Variants in DNAH1 observed in about 807,000 individuals in gnomAD.
The protein encoded by DNAH1 is axonemal beta dynein heavy chain 1.
Under a neutral mutation model 484.3 loss-of-function variants are expected in DNAH1, and 327 were observed. That is an observed-to-expected ratio of 0.68 (90% CI 0.62 to 0.74). DNAH1 has a LOEUF of 0.74. Ranked by LOEUF, DNAH1 falls within the 30% of genes least tolerant of loss-of-function variation. The pLI, the probability that DNAH1 is intolerant of heterozygous loss-of-function variation, is 0.00. For synonymous variants in DNAH1, 2,192 were observed against 2,191.9 expected (o/e 1.00, Z 0.00); for missense variants, 5,052 against 5,546.8 (o/e 0.91, Z 2.83).
Position 52,349,281 on chromosome 3 carries a change from C to G in DNAH1, c.2387C>G (p.Ser796Trp). ...HLREKEILDS[S>W]LPSSIIIGPF... Reference sequence around the variant, plus strand: ...CGGGAGAAGGAGATCCTGGACAGCTCGCTGCCCAGCAGCATCATCATTGGG... The same window carrying G: ...CGGGAGAAGGAGATCCTGGACAGCTGGCTGCCCAGCAGCATCATCATTGGG... The change falls in exon 14 of 78, where the codon TCG becomes TGG. Residue 796 changes from serine (S) to tryptophan (W), a missense_variant. Coordinates refer to ENST00000420323, the MANE Select transcript of DNAH1 (RefSeq NM_015512.5). 2 of 1,613,946 alleles carry G rather than the reference C, an allele frequency of 1.2e-6. No homozygotes were observed. Among genetic ancestry groups the G allele is most frequent in the Non-Finnish European group, 1.7e-6 (2 of 1,179,870 alleles).
Position 52,392,896 on chromosome 3 carries a change from G to T in DNAH1, c.10345G>T (p.Val3449Leu), listed in dbSNP as rs757371106. Residue 3449 changes from valine (V) to leucine (L), a missense_variant, in exon 65 of 78, where the codon GTG becomes TTG. Physicochemically the swap from Val to Leu is conservative, Grantham distance 32 (BLOSUM62 1). Around this residue, in one of 4 missense-constraint regions of DNAH1, gnomAD observed 2,929 missense variants for 3,409.4 expected, o/e 0.86. Coordinates refer to ENST00000420323, the MANE Select transcript of DNAH1 (RefSeq NM_015512.5). ...IDLTRMEYIP[V>L]AIRTQILFFC... ...CCTGACGCGCATGGAGTACATACCC[G>T]TGGCCATCCGCACCCAGATCCTCTT... The T allele has an allele frequency of 6.2e-7, 1 of 1,608,916 alleles. No homozygotes were observed. Among genetic ancestry groups the T allele is most frequent in the African/African-American group, 1.4e-5 (1 of 73,484 alleles).
rs532171993 is a variant in DNAH1, at chr3:52,345,036, T to C, written c.1444+389T>C. The stretch of plus-strand genomic sequence containing the variant: ...CCGGGGCCCAAGAACCCTCCTTGCT[T>C]TCAGCTCACCTGCCAGCCTTCCTAG... On this transcript the variant is annotated intron_variant, in intron 9 of 77. Transcript: ENST00000420323. Among the ~76,000 whole-genome samples the C allele has an allele frequency of 9.7e-4, 147 of 152,254 alleles. 1 individual carries two copies. Among genetic ancestry groups the C allele is most frequent in the African/African-American group, 3.4e-3 (141 of 41,552 alleles).
At chr3:52,338,222 C>T (rs1239667854) in intron 8 of DNAH1, among the ~76,000 whole-genome samples, 3 of 152,210 alleles carry the variant, frequency 2.0e-5, no homozygotes, top group Non-Finnish European at 4.4e-5. Flanking sequence ...TATTCTCCTG[C>T]CTCAGCCTCC....
At chr3:52,339,751 G>T (rs1284498237) in intron 8 of DNAH1, among the ~76,000 whole-genome samples, 1 of 151,768 alleles carries the variant, frequency 6.6e-6, no homozygotes, top group Non-Finnish European at 1.5e-5. Context: ...TGTCAGTATT[G>T]CACATTAGTT....
Position 52,381,834 on chromosome 3 carries a change from C to G in DNAH1, c.7803C>G (p.His2601Gln), listed in dbSNP as rs1257100494. The change falls in exon 49 of 78, where the codon CAC becomes CAG. Residue 2601 changes from histidine (H) to glutamine (Q), a missense_variant and splice_region_variant. His to Gln is a conservative substitution (Grantham distance 24). Around this residue, in one of 4 missense-constraint regions of DNAH1, gnomAD observed 2,929 missense variants for 3,409.4 expected, o/e 0.86. Transcript: ENST00000420323. This position sits in a 1 kb window ranked among gnomAD's most constrained non-coding sequence, Gnocchi z 4.1. ...GRSSLTRLAS[H>Q]MAEYECFQIE... ...GCTCCCTCACAAGGCTCGCCTCGCA[C>G]ATGTGAGCGCCTCCAGGGCGTGCTG... 1.3e-6 allele frequency: 2 copies of G among 1,587,660 alleles called. No homozygotes were observed. The highest frequency in any genetic ancestry group is 2.7e-5 in the African/African-American group (2 of 74,376).
Position 52,320,291 on chromosome 3 carries a change from G to C in DNAH1, c.-34-2118G>C, listed in dbSNP as rs555624221. Among the ~76,000 whole-genome samples the C allele has an allele frequency of 4.6e-5, 7 of 152,350 alleles. No homozygotes were observed. In the South Asian group the frequency reaches 1.4e-3, roughly 32 times the overall value. On this transcript the variant is annotated intron_variant, in intron 1 of 77. Transcript: ENST00000420323. ...CTGTTAGACAGGTGGGCCAGACTCG[G>C]CATTGTCTTCAGCACCTGTCCTGGG...
chr3:52,322,697 T>A lies in DNAH1; in HGVS notation c.255T>A (p.Thr85=), dbSNP rs762845141. 2 of 1,613,764 alleles carry A rather than the reference T, an allele frequency of 1.2e-6. No individual in the cohort carries two copies. The highest frequency in any genetic ancestry group is 1.7e-6 in the Non-Finnish European group (2 of 1,179,814). The change falls in exon 2 of 78, where the codon ACT becomes ACA. Residue 85 remains threonine (T), a synonymous_variant. Transcript: ENST00000420323. ...GQPRKSPLTG[T]DKKYPLMKQR... ...CACGGAAGTCACCCCTGACAGGCACTGATAAGAAGTACCCGCTGATGAAGC... is the reference window on the plus strand; with the variant it reads ...CACGGAAGTCACCCCTGACAGGCACAGATAAGAAGTACCCGCTGATGAAGC...
At position 52,352,875 on chromosome 3, in the gene DNAH1, C is replaced by T. The variant is rs187417802; in HGVS notation, c.3027+168C>T. Among the ~76,000 whole-genome samples, 3 of 152,264 alleles carry T rather than the reference C, an allele frequency of 2.0e-5. No individual in the cohort carries two copies. In the East Asian group the frequency reaches 5.8e-4, roughly 29 times the overall value. Reference sequence around the variant, plus strand: ...CCTCAGGTTGAGGAGGCCCCTAGTACAAGGCAGGTGGCCTGAGGGTCAGCC... The same window carrying T: ...CCTCAGGTTGAGGAGGCCCCTAGTATAAGGCAGGTGGCCTGAGGGTCAGCC... On this transcript the variant is annotated intron_variant, in intron 18 of 77. Transcript: ENST00000420323.
Position 52,373,853 on chromosome 3 carries a change from G to A in DNAH1, c.6985+800G>A, listed in dbSNP as rs181102959. 3.9e-5 allele frequency: 55 copies of A among 1,412,748 alleles called. 1 individual carries two copies. In the East Asian group the frequency reaches 1.1e-3, roughly 29 times the overall value. 87.5% of individuals were successfully genotyped at this position (1,412,748 alleles called of 1,614,324 possible). A position where few individuals can be genotyped will look rare whatever the true frequency, so the allele number is the denominator to read the frequency against. On this transcript the variant is annotated intron_variant, in intron 44 of 77. Coordinates refer to ENST00000420323, the MANE Select transcript of DNAH1 (RefSeq NM_015512.5). ...CTGTTTACCCAGAAGTAGTCCATATGTTTGCAGTTAACATGTTTCGAATAT... is the reference window on the plus strand; with the variant it reads ...CTGTTTACCCAGAAGTAGTCCATATATTTGCAGTTAACATGTTTCGAATAT...
Position 52,381,865 on chromosome 3 carries a change from T to G in DNAH1, c.7805+29T>G. On this transcript the variant is annotated intron_variant, in intron 49 of 77. Coordinates refer to ENST00000420323, the MANE Select transcript of DNAH1 (RefSeq NM_015512.5). This position sits in a 1 kb window ranked among gnomAD's most constrained non-coding sequence, Gnocchi z 4.1. Reference sequence around the variant, plus strand: ...AGCGCCTCCAGGGCGTGCTGGGCAGTGGGCGGCCAGGGCTGGCTGGTCGGT... The same window carrying G: ...AGCGCCTCCAGGGCGTGCTGGGCAGGGGGCGGCCAGGGCTGGCTGGTCGGT... The G allele has an allele frequency of 6.4e-7, 1 of 1,550,594 alleles. No homozygotes were observed. Among genetic ancestry groups the G allele is most frequent in the Non-Finnish European group, 8.7e-7 (1 of 1,146,380 alleles).
In DNAH1 at chr3:52,392,979, G is replaced by A; in HGVS notation, c.10428G>A (p.Trp3476Ter). 1 of 1,613,698 alleles carries A rather than the reference G, an allele frequency of 6.2e-7. No homozygotes were observed. Among genetic ancestry groups the A allele is most frequent in the Non-Finnish European group, 8.5e-7 (1 of 1,179,830 alleles). The change falls in exon 65 of 78, where the codon TGG becomes TGA. Residue 3476 changes from tryptophan (W) to a stop codon, truncating the protein, a stop_gained. Transcript: ENST00000420323. LOFTEE classifies it high-confidence loss of function. ...CCATGTACCAGTACTCCCTTGAGTGGTTTCTCAACATCTTCCTCTCGGGCA... is the reference window on the plus strand; with the variant it reads ...CCATGTACCAGTACTCCCTTGAGTGATTTCTCAACATCTTCCTCTCGGGCA... ...VDPMYQYSLE[W>*]FLNIFLSGIA...
chr3:52,385,216 T>C, intron 53 of DNAH1, 121 bp from the exon 54 acceptor site: 1 of 1,108,792 alleles, frequency 9.0e-7, no homozygotes, highest in Non-Finnish European at 1.3e-6. Context: ...GGCTGGGCAA[T>C]GTGGGGGCCA....
intron 45 of DNAH1, 23 bp from the exon 46 acceptor site, chr3:52,375,932 G>A (rs758735094): frequency 6.8e-6 from 11 of 1,611,348 alleles, no homozygotes; most frequent in South Asian, 3.3e-5. Flanking sequence ...CCTGAGCCCC[G>A]TGTTTCTCCC....
At chr3:52,315,307 G>A (rs1354193135), upstream of DNAH1, among the ~76,000 whole-genome samples, 4 of 152,218 alleles carry the variant, frequency 2.6e-5, no homozygotes, top group Non-Finnish European at 5.9e-5. Context: ...ACTCAGTCTG[G>A]ATGCCTGTCA....
rs772369336 is a variant in DNAH1 at position 52,381,887 on chromosome 3, C to A, written c.7805+51C>A. The A allele has an allele frequency of 1.2e-4, 177 of 1,520,554 alleles. No individual in the cohort carries two copies. The highest frequency in any genetic ancestry group is 1.5e-4 in the Non-Finnish European group (166 of 1,130,138). 94.2% of individuals were successfully genotyped at this position (1,520,554 alleles called of 1,614,324 possible). On this transcript the variant is annotated intron_variant, in intron 49 of 77. Coordinates refer to ENST00000420323, the MANE Select transcript of DNAH1 (RefSeq NM_015512.5). This position sits in a 1 kb window ranked among gnomAD's most constrained non-coding sequence, Gnocchi z 4.1. ...CAGTGGGCGGCCAGGGCTGGCTGGT[C>A]GGTTTGACTGACCCATGCTTTTGCA...
intron 73 of DNAH1, among the ~76,000 whole-genome samples, chr3:52,397,325 C>T (rs1704680811): frequency 6.6e-6 from 1 of 152,104 alleles, no homozygotes; most frequent in South Asian, 2.1e-4. Flanking sequence ...AGTAACCAGG[C>T]CCAGACTCCA....
intron 36 of DNAH1, among the ~76,000 whole-genome samples, chr3:52,367,635 C>T (rs1019974834): frequency 4.0e-5 from 6 of 151,508 alleles, no homozygotes; most frequent in African/African-American, 9.7e-5. Context: ...AGTGCAGTGG[C>T]GCCATCTCGG....
chr3:52,341,530 C>CTTTTT (rs55645528), intron 8 of DNAH1, among the ~76,000 whole-genome samples: 1 of 101,172 alleles, frequency 9.9e-6, no homozygotes, highest in Non-Finnish European at 1.9e-5. Context: ...TTGACTTTGA[C>CTTTTT]TTTTTTTTTT....
In DNAH1 at chr3:52,390,804, C is replaced by T; in HGVS notation, c.9622-131C>T. The stretch of plus-strand genomic sequence containing the variant: ...GCATTGCCTACATTGTCACCTGCCC[C>T]CAACCTCCAAGGGGATGCAGTAAGG... On this transcript the variant is annotated intron_variant, in intron 60 of 77. Coordinates refer to ENST00000420323, the MANE Select transcript of DNAH1 (RefSeq NM_015512.5). 8 of 1,391,994 alleles carry T rather than the reference C, an allele frequency of 5.7e-6. No homozygotes were observed. In the South Asian group the frequency reaches 8.3e-5, roughly 15 times the overall value. 86.2% of individuals were successfully genotyped at this position (1,391,994 alleles called of 1,614,324 possible).
Sources: gnomAD v4.1 joint callset for allele counts (sites outside exome capture counted in the v4.1 genomes callset) on GRCh38, gnomAD v4.1.1 for gene constraint, gnomAD v4.1.1 regional missense constraint, Gnocchi (gnomAD v3.1) non-coding constraint, MANE v1.5 for transcripts, NCBI Gene and HGNC (gene_info 2026-07-23, HGNC 2026-07-21) for gene names.